Variants in MAP2 observed in about 807,000 individuals in gnomAD.
The protein encoded by MAP2 is microtubule associated protein 2.
Under a neutral mutation model 137.6 loss-of-function variants are expected in MAP2, and 14 were observed. That is an observed-to-expected ratio of 0.10 (90% CI 0.07 to 0.16). The LOEUF is 0.16. Ranked by LOEUF, MAP2 falls within the 10% of genes least tolerant of loss-of-function variation. MAP2 has a pLI of 1.00. For synonymous variants in MAP2, 786 were observed against 782.3 expected (o/e 1.00, Z -0.08); for missense variants, 2,088 against 2,191.5 (o/e 0.95, Z 0.94).
rs569722133 is a variant in MAP2, at chr2:209,491,375, CAATT to C, written c.-221-16214_-221-16211del. Among the ~76,000 whole-genome samples the C allele has an allele frequency of 5.3e-4, 80 of 152,104 alleles. 1 individual carries two copies. In the East Asian group the frequency reaches 0.015, roughly 29 times the overall value. Reference sequence around the variant, plus strand: ...ATCTAAAATTGACATCCTAACATCACAATTAAAAGAACTAGAGAAGCAAGAGCAA... The same window carrying C: ...ATCTAAAATTGACATCCTAACATCACAAAAGAACTAGAGAAGCAAGAGCAA... On this transcript the variant is annotated intron_variant, in intron 1 of 15. Transcript: ENST00000682079.
intron 2 of MAP2, among the ~76,000 whole-genome samples, chr2:209,571,828 T>C (rs2074440997): frequency 6.6e-6 from 1 of 152,000 alleles, no homozygotes; most frequent in Admixed American, 6.6e-5. Flanking sequence ...TTTTATTAAA[T>C]TGCAGTCAGA....
chr2:209,678,875 A>C (rs1225786531), intron 6 of MAP2, among the ~76,000 whole-genome samples, 190 bp downstream of exon 6: 1 of 152,098 alleles, frequency 6.6e-6, no homozygotes, highest in African/African-American at 2.4e-5. Context: ...TAGTGTTTGC[A>C]TAGTCTTTCG....
At chr2:209,667,684 TA>T (rs2153654426) in intron 5 of MAP2, among the ~76,000 whole-genome samples, 1 of 152,146 alleles carries the variant, frequency 6.6e-6, no homozygotes, top group African/African-American at 2.4e-5. Context: ...CAGGGCCTTT[TA>T]ATGAAATCTG....
chr2:209,629,159 G>A (rs745960568), intron 4 of MAP2, among the ~76,000 whole-genome samples: 1 of 152,172 alleles, frequency 6.6e-6, no homozygotes, highest in Non-Finnish European at 1.5e-5. Context: ...AAAGCCAGTT[G>A]AAGAGCAGAA....
Position 209,700,458 on chromosome 2 carries a change from C to T in MAP2, c.4584+120C>T, listed in dbSNP as rs931379401. On this transcript the variant is annotated intron_variant, in intron 11 of 15. Transcript: ENST00000682079. ...CTCTTAAAAGTCACTTTAAATAGTTCGCTCACCCAGAAGATTCTCCGTGGC... is the reference window on the plus strand; with the variant it reads ...CTCTTAAAAGTCACTTTAAATAGTTTGCTCACCCAGAAGATTCTCCGTGGC... 12 of 761,466 alleles carry T rather than the reference C, an allele frequency of 1.6e-5. No individual in the cohort carries two copies. The East Asian group carries it at 2.2e-4, about 14-fold the overall frequency. 47.2% of individuals were successfully genotyped at this position (761,466 alleles called of 1,614,324 possible).
intron 5 of MAP2, among the ~76,000 whole-genome samples, chr2:209,674,705 A>G (rs2050484260): frequency 1.3e-5 from 2 of 151,838 alleles, no homozygotes; most frequent in East Asian, 3.9e-4. Context: ...GAAATTACAT[A>G]TATAATCACA....
At chr2:209,589,363 G>T (rs1197244037) in intron 3 of MAP2, among the ~76,000 whole-genome samples, 2 of 152,028 alleles carry the variant, frequency 1.3e-5, no homozygotes, top group Non-Finnish European at 2.9e-5. Flanking sequence ...GGTAAACCTG[G>T]GACACATATC....
chr2:209,650,468 T>A (rs1297514916), intron 4 of MAP2, among the ~76,000 whole-genome samples: 1 of 152,058 alleles, frequency 6.6e-6, no homozygotes, highest in African/African-American at 2.4e-5. Flanking sequence ...AACTAATCAT[T>A]ACAAAAAACA....
chr2:209,521,817 ATTG>A (rs1444163900), intron 2 of MAP2, among the ~76,000 whole-genome samples: 3 of 152,066 alleles, frequency 2.0e-5, no homozygotes, highest in East Asian at 1.9e-4. Flanking sequence ...AAATTCCTTA[ATTG>A]TTGTTTTCAT....
chr2:209,679,889 G>C (rs559529687), intron 6 of MAP2, among the ~76,000 whole-genome samples: 1 of 152,152 alleles, frequency 6.6e-6, no homozygotes, highest in Non-Finnish European at 1.5e-5. Flanking sequence ...AAAGTCACCT[G>C]TCATCCCAAA....
chr2:209,504,829 T>G (rs2060833992), intron 1 of MAP2, among the ~76,000 whole-genome samples: 1 of 152,090 alleles, frequency 6.6e-6, no homozygotes, highest in Non-Finnish European at 1.5e-5. Flanking sequence ...GGATAATGAT[T>G]GATAATATGA....
intron 13 of MAP2, among the ~76,000 whole-genome samples, chr2:209,712,438 C>T (rs1221907366): frequency 2.0e-5 from 3 of 152,024 alleles, no homozygotes; most frequent in East Asian, 3.9e-4. Flanking sequence ...TGTTAACCTG[C>T]TACAAAATTA....
intron 1 of MAP2, among the ~76,000 whole-genome samples, chr2:209,490,392 C>T (rs760889916): frequency 6.6e-6 from 1 of 151,822 alleles, no homozygotes. Context: ...AACCAGGTAA[C>T]ATCATAATGA....
chr2:209,508,291 A>G (rs1296215589), intron 2 of MAP2, among the ~76,000 whole-genome samples: 1 of 151,470 alleles, frequency 6.6e-6, no homozygotes, highest in Non-Finnish European at 1.5e-5. Context: ...AAAAAAAAAC[A>G]CTAAACACTG....
In MAP2 at chr2:209,537,035, T is replaced by C. The variant is rs370030864; in HGVS notation, c.-172+29394T>C. ...AGTATACAGGCATACCTAATTTTGT[T>C]GTGCTTTGCTTTATTGTTTTTGCTT... On this transcript the variant is annotated intron_variant, in intron 2 of 15. Coordinates refer to ENST00000682079, the MANE Select transcript of MAP2 (RefSeq NM_001375505.1). Among the ~76,000 whole-genome samples, 23 of 152,310 alleles carry C rather than the reference T, an allele frequency of 1.5e-4. No individual in the cohort carries two copies. In the East Asian group the frequency reaches 3.9e-3, roughly 26 times the overall value.
intron 3 of MAP2, among the ~76,000 whole-genome samples, chr2:209,591,548 A>G (rs2079252493): frequency 6.6e-6 from 1 of 152,228 alleles, no homozygotes; most frequent in African/African-American, 2.4e-5. Flanking sequence ...AGTTGAATGT[A>G]TCGTTTTTAA....
intron 4 of MAP2, among the ~76,000 whole-genome samples, chr2:209,634,519 GTACCTGAGGTGATC>G (rs56995012): frequency 0.17 from 26,487 of 152,036 alleles, 3,478 homozygotes; most frequent in African/African-American, 0.37. Context: ...AAAGGCAGCT[GTACCTGAGGTGATC>G]TTGGAAGTGT....
chr2:209,647,453 G>A (rs1272536669), intron 4 of MAP2, among the ~76,000 whole-genome samples: 4 of 152,110 alleles, frequency 2.6e-5, no homozygotes, highest in Admixed American at 2.0e-4. Context: ...TTAAAAAGAC[G>A]AGAAATTAAT....
intron 4 of MAP2, among the ~76,000 whole-genome samples, chr2:209,647,597 G>A (rs1203442868): frequency 6.6e-5 from 10 of 152,100 alleles, no homozygotes; most frequent in African/African-American, 2.4e-4. Flanking sequence ...TCAATACCAA[G>A]TCTCTTAGTT....
Sources: allele counts gnomAD v4.1 joint callset (sites outside exome capture counted in the v4.1 genomes callset), GRCh38; gene constraint gnomAD v4.1.1; transcripts MANE v1.5; gene names NCBI Gene and HGNC (gene_info 2026-07-23, HGNC 2026-07-21).